Variants in PDE4D observed in about 807,000 individuals in gnomAD.
PDE4D encodes phosphodiesterase 4D.
Under a neutral mutation model 87.4 loss-of-function variants are expected in PDE4D, and 24 were observed. The ratio of observed to expected loss-of-function variants is 0.27; its 90% CI spans 0.20 to 0.39. The LOEUF is 0.39. PDE4D is among the 10% of genes least tolerant of loss of function. PDE4D has a pLI of 1.00. For synonymous variants in PDE4D, 384 were observed against 383.2 expected, an observed-to-expected ratio of 1.00 and a Z score of -0.02; for missense variants, 714 against 1,041.0, an observed-to-expected ratio of 0.69 and a Z score of 4.32.
intron 1 of PDE4D, among the ~76,000 whole-genome samples, chr5:60,442,440 G>A (rs1409690914): frequency 6.6e-6 from 1 of 152,030 alleles, no homozygotes; most frequent in Non-Finnish European, 1.5e-5. Flanking sequence ...GGGCCTGTCA[G>A]GGGGTGGGGG....
At chr5:59,857,827 A>C (rs558139223) in intron 1 of PDE4D, among the ~76,000 whole-genome samples, 4 of 149,862 alleles carry the variant, frequency 2.7e-5, no homozygotes, top group African/African-American at 9.8e-5. Context: ...AAGAAATATA[A>C]GGGAGAGAGG....
intron 3 of PDE4D, among the ~76,000 whole-genome samples, chr5:59,950,381 G>T (rs1032002405): frequency 4.6e-5 from 7 of 151,942 alleles, no homozygotes; most frequent in African/African-American, 1.7e-4. Context: ...CATATTAATA[G>T]AATTTATATT....
In PDE4D at chr5:59,561,871, G is replaced by A. The variant is rs547257820; in HGVS notation, c.455+331297C>T. Among the ~76,000 whole-genome samples, 12 of 151,456 alleles carry A rather than the reference G, an allele frequency of 7.9e-5. No individual in the cohort carries two copies. In the South Asian group the frequency reaches 2.5e-3, roughly 32 times the overall value. ...TGCTTGAACCCGGGAGGCAGATGTT[G>A]CAGTGAGCTGAGATCGCACCACTGC... On this transcript the variant is annotated intron_variant, in intron 1 of 14. Transcript: ENST00000340635.
chr5:59,580,736 C>G (rs1049662664), intron 1 of PDE4D, among the ~76,000 whole-genome samples: 30 of 152,084 alleles, frequency 2.0e-4, no homozygotes, highest in Non-Finnish European at 3.5e-4. Flanking sequence ...CTTTAATAGC[C>G]TACTTCTTAA....
At chr5:60,398,603 A>G (rs1448208586) in intron 1 of PDE4D, among the ~76,000 whole-genome samples, 7 of 152,080 alleles carry the variant, frequency 4.6e-5, no homozygotes, top group Non-Finnish European at 7.4e-5. Context: ...ATCTTCCTCT[A>G]CAACACCCAT....
chr5:59,865,889 T>C (rs1311019378), intron 1 of PDE4D, among the ~76,000 whole-genome samples: 2 of 152,194 alleles, frequency 1.3e-5, no homozygotes, highest in South Asian at 2.1e-4. Context: ...GTAAAGTGTG[T>C]GGTGCAAACA....
chr5:59,771,499 G>GAGAGAGAAGAAAGAAAGA (rs1554081503), intron 1 of PDE4D, among the ~76,000 whole-genome samples: 8 of 19,716 alleles, frequency 4.1e-4, no homozygotes, highest in Non-Finnish European at 7.2e-4. Flanking sequence ...GAGAGAGAGA[G>GAGAGAGAAGAAAGAAAGA]AAGAAAGAAA....
At chr5:58,981,361 A>G (rs1745095106) in intron 11 of PDE4D, among the ~76,000 whole-genome samples, 1 of 152,156 alleles carries the variant, frequency 6.6e-6, no homozygotes, top group Admixed American at 6.6e-5. Flanking sequence ...CCAGAAGTGA[A>G]AGTAAAGTTT....
At position 59,081,516 on chromosome 5, in the gene PDE4D, G is replaced by GA. The variant is rs1561450545; in HGVS notation, c.809-42546_809-42545insT. Among the ~76,000 whole-genome samples, 41 of 26,314 alleles carry GA rather than the reference G, an allele frequency of 1.6e-3. 2 individuals carry two copies. In the East Asian group the frequency reaches 0.02, roughly 13 times the overall value. The allele number at this position is 26,314 out of a possible 152,430, so 17.3% of individuals were successfully genotyped here. On this transcript the variant is annotated intron_variant, in intron 5 of 14. Coordinates refer to ENST00000340635, the MANE Select transcript of PDE4D (RefSeq NM_001104631.2). Reference sequence around the variant, plus strand: ...GAACCTCATGACCAGGAAGTAATCAGGTAAAAAAAAAAAAGAAAAAAAGTG... The same window carrying GA: ...GAACCTCATGACCAGGAAGTAATCAGAGTAAAAAAAAAAAAGAAAAAAAGTG...
rs1561402852 is a variant in PDE4D at position 59,649,904 on chromosome 5, C to CTTTTTTTTTTTTTTTTTTTTTTTTTTTT, written c.455+243263_455+243264insAAAAAAAAAAAAAAAAAAAAAAAAAAAA. 3.2e-3 allele frequency among the ~76,000 whole-genome samples: 236 copies of CTTTTTTTTTTTTTTTTTTTTTTTTTTTT among 73,972 alleles called. 87 individuals carry two copies. Among genetic ancestry groups the CTTTTTTTTTTTTTTTTTTTTTTTTTTTT allele is most frequent in the Admixed American group, 4.4e-3 (24 of 5,490 alleles). The allele number at this position is 73,972 out of a possible 152,430, so 48.5% of individuals were successfully genotyped here. A position where few individuals can be genotyped will look rare whatever the true frequency, so the allele number is the denominator to read the frequency against. The stretch of plus-strand genomic sequence containing the variant: ...TGTTAAAATGTTGATAGTTTGTGAA[C>CTTTTTTTTTTTTTTTTTTTTTTTTTTTT]CTTTTTTTTTTTTTTTTTTTTTTTT... On this transcript the variant is annotated intron_variant, in intron 1 of 14. Transcript: ENST00000340635.
chr5:59,393,459 C>T (rs992566207), intron 1 of PDE4D, among the ~76,000 whole-genome samples: 1 of 152,198 alleles, frequency 6.6e-6, no homozygotes, highest in Non-Finnish European at 1.5e-5. Context: ...CTCAAAATTA[C>T]ACACAACTAC....
At chr5:59,164,674 T>A (rs1781635507) in intron 5 of PDE4D, among the ~76,000 whole-genome samples, 1 of 152,146 alleles carries the variant, frequency 6.6e-6, no homozygotes, top group African/African-American at 2.4e-5. Flanking sequence ...AATGATTTAA[T>A]AAACTTATTC....
At chr5:59,048,452 C>T (rs1392568228) in intron 5 of PDE4D, among the ~76,000 whole-genome samples, 1 of 152,156 alleles carries the variant, frequency 6.6e-6, no homozygotes, top group Non-Finnish European at 1.5e-5. Context: ...TTAGCACCTA[C>T]CCAGCTCTAA....
Position 60,262,508 on chromosome 5 carries a change from T to C in PDE4D, c.-89-76821A>G, listed in dbSNP as rs368023202. The C allele has an allele frequency of 3.3e-5, 5 of 152,282 alleles. No individual in the cohort carries two copies. In the East Asian group the frequency reaches 5.8e-4, roughly 18 times the overall value. 9.4% of individuals were successfully genotyped at this position (152,282 alleles called of 1,614,324 possible). On this transcript the variant is annotated intron_variant, in intron 1 of 16. Coordinates refer to the PDE4D transcript ENST00000502484. ...AGTACTTATTCAGTGGTAACTATTA[T>C]CATCACTGTCTTCTTAGCAGAACAT... is the stretch of plus-strand genomic sequence containing the variant.
intron 1 of PDE4D, 68 bp downstream of exon 1, chr5:59,893,100 G>A (rs1751199742): frequency 6.9e-7 from 1 of 1,450,322 alleles, no homozygotes. Flanking sequence ...AGCCGACTTA[G>A]ATGGAGTATT....
chr5:59,111,570 A>G (rs373541566), intron 5 of PDE4D, among the ~76,000 whole-genome samples: 35 of 152,316 alleles, frequency 2.3e-4, no homozygotes, highest in East Asian at 1.5e-3. Flanking sequence ...TGAGAAAAAA[A>G]AAGCCATACT....
At chr5:59,539,343 T>C (rs1232175996) in intron 1 of PDE4D, among the ~76,000 whole-genome samples, 1 of 152,152 alleles carries the variant, frequency 6.6e-6, no homozygotes, top group Non-Finnish European at 1.5e-5. Flanking sequence ...GCTGTCTTAT[T>C]ACAACGTACC....
intron 3 of PDE4D, among the ~76,000 whole-genome samples, chr5:59,915,337 G>A (rs1753927048): frequency 6.6e-6 from 1 of 152,170 alleles, no homozygotes; most frequent in African/African-American, 2.4e-5. Flanking sequence ...TCCATAGGAA[G>A]AAGAATAGAA....
chr5:60,421,118 C>A (rs37705), intron 1 of PDE4D, among the ~76,000 whole-genome samples: 42,947 of 152,172 alleles, frequency 0.28, 6,250 homozygotes, highest in South Asian at 0.45. Flanking sequence ...CATAGCTGAA[C>A]AAAAGGCAGC....
Sources: gnomAD v4.1 joint callset for allele counts (sites outside exome capture counted in the v4.1 genomes callset) on GRCh38, gnomAD v4.1.1 for gene constraint, MANE v1.5 for transcripts, NCBI Gene and HGNC (gene_info 2026-07-23, HGNC 2026-07-21) for gene names.